SPEGNB: variants seen among roughly 807,000 people sequenced by gnomAD.
SPEGNB encodes the protein SPEG neighbor, also known as SPEG neighbor protein.
Under a neutral mutation model 18.3 loss-of-function variants are expected in SPEGNB, and 12 were observed. That is an observed-to-expected ratio of 0.65 (90% CI 0.42 to 1.06). The LOEUF is 1.06. Ranked by LOEUF, SPEGNB falls within the 50% of genes least tolerant of loss-of-function variation. The pLI is 0.00. For missense variants in SPEGNB, 273 were observed against 329.3 expected, an observed-to-expected ratio of 0.83 and a Z score of 1.32; for synonymous variants, 113 against 138.8, an observed-to-expected ratio of 0.81 and a Z score of 1.31.
intron 3 of SPEGNB, 92 bp downstream of exon 3, chr2:219,497,208 G>A: frequency 9.9e-7 from 1 of 1,007,412 alleles, no homozygotes; most frequent in Non-Finnish European, 1.2e-6. Context: ...TTTACCTCTG[G>A]GCCTAGCTAC....
rs747279748 is a variant in SPEGNB, at chr2:219,496,472, C to T, written c.118C>T (p.Arg40Trp). Residue 40 changes from arginine to tryptophan, a missense_variant, in exon 2 of 5, where the codon CGG (arginine) becomes TGG (tryptophan). By Grantham distance (101) the Arg-to-Trp change is moderately radical. Coordinates refer to ENST00000651166, the MANE Select transcript of SPEGNB (RefSeq NM_001286811.2). The stretch of plus-strand genomic sequence containing the variant: ...GGCCATTCGTATCCAGGCCTCTTAC[C>T]GGGGCCACAGGTGAGAGGGAACCCC... ...SAAIRIQASY[R>W]GHRSRKELRE... The T allele has an allele frequency of 5.5e-6, 7 of 1,263,302 alleles. No individual in the cohort carries two copies. Among genetic ancestry groups the T allele is most frequent in the East Asian group, 5.8e-5 (1 of 17,202 alleles). 78.3% of individuals were successfully genotyped at this position (1,263,302 alleles called of 1,614,324 possible). A position where few individuals can be genotyped will look rare whatever the true frequency, so the allele number is the denominator to read the frequency against.
Position 219,496,965 on chromosome 2 carries a change from T to G in SPEGNB, c.285T>G (p.Arg95=), listed in dbSNP as rs1252524957. The stretch of plus-strand genomic sequence containing the variant: ...GGAGTAAGGACGGCAAGGAGCTACG[T>G]GACGGTCCCAAGTACCGCTACGTCT... The part of the protein sequence containing the change: ...IRWSKDGKEL[R]DGPKYRYVFE... The change falls in exon 3 of 5, where the codon CGT becomes CGG. Residue 95 remains arginine (R), a synonymous_variant. Coordinates refer to ENST00000651166, the MANE Select transcript of SPEGNB (RefSeq NM_001286811.2). The G allele has an allele frequency of 7.7e-7, 1 of 1,303,836 alleles. No individual in the cohort carries two copies. The highest frequency in any genetic ancestry group is 2.3e-5 in the Admixed American group (1 of 43,526). 80.8% of individuals were successfully genotyped at this position (1,303,836 alleles called of 1,614,324 possible). A position where few individuals can be genotyped will look rare whatever the true frequency, so the allele number is the denominator to read the frequency against.
intron 3 of SPEGNB, 150 bp downstream of exon 3, chr2:219,497,266 G>A: frequency 1.9e-6 from 1 of 532,008 alleles, no homozygotes; most frequent in Non-Finnish European, 2.6e-6. Context: ...GCGCATCGCC[G>A]CGCCAGCCAA....
chr2:219,496,611 C>T (rs1186243354), intron 2 of SPEGNB, 129 bp downstream of exon 2: 2 of 1,054,072 alleles, frequency 1.9e-6, no homozygotes, highest in East Asian at 6.3e-5. Flanking sequence ...AGGGTCGTTA[C>T]TGAGGTATGG....
rs1435863286 is a variant in SPEGNB at position 219,498,228 on chromosome 2, G to A, written c.*39G>A. ...ACCTTCCGCCCTGGCGCCGAGCCCGGGGGTGGTGGGACCCACAGCCCTCCA... is the reference window on the plus strand; with the variant it reads ...ACCTTCCGCCCTGGCGCCGAGCCCGAGGGTGGTGGGACCCACAGCCCTCCA... On this transcript the variant is annotated 3_prime_UTR_variant, in exon 5 of 5. Coordinates refer to ENST00000651166, the MANE Select transcript of SPEGNB (RefSeq NM_001286811.2). The A allele has an allele frequency of 7.8e-7, 1 of 1,289,030 alleles. No homozygotes were observed. Among genetic ancestry groups the A allele is most frequent in the South Asian group, 1.3e-5 (1 of 78,714 alleles). 79.8% of individuals were successfully genotyped at this position (1,289,030 alleles called of 1,614,324 possible).
In SPEGNB at chr2:219,498,231, G is replaced by A; in HGVS notation, c.*42G>A. The stretch of plus-strand genomic sequence containing the variant: ...TTCCGCCCTGGCGCCGAGCCCGGGG[G>A]TGGTGGGACCCACAGCCCTCCACCA... On this transcript the variant is annotated 3_prime_UTR_variant, in exon 5 of 5. Coordinates refer to ENST00000651166, the MANE Select transcript of SPEGNB (RefSeq NM_001286811.2). 3.1e-6 allele frequency: 4 copies of A among 1,288,032 alleles called. No homozygotes were observed. The highest frequency in any genetic ancestry group is 4.1e-6 in the Non-Finnish European group (4 of 980,712). The allele number at this position is 1,288,032 out of a possible 1,614,324, so 79.8% of individuals were successfully genotyped here.
Position 219,498,244 on chromosome 2 carries a change from C to G in SPEGNB, c.*55C>G. The G allele has an allele frequency of 1.6e-6, 2 of 1,273,872 alleles. No individual in the cohort carries two copies. The highest frequency in any genetic ancestry group is 2.1e-6 in the Non-Finnish European group (2 of 973,750). 78.9% of individuals were successfully genotyped at this position (1,273,872 alleles called of 1,614,324 possible). ...CCGAGCCCGGGGGTGGTGGGACCCA[C>G]AGCCCTCCACCAGCTTGCTTAATAA... On this transcript the variant is annotated 3_prime_UTR_variant, in exon 5 of 5. Coordinates refer to ENST00000651166, the MANE Select transcript of SPEGNB (RefSeq NM_001286811.2).
rs1273067240 is a variant in SPEGNB at position 219,498,053 on chromosome 2, T to A, written c.581T>A (p.Val194Glu). Residue 194 changes from valine to glutamate, a missense_variant and splice_region_variant, in exon 5 of 5, where the codon GTG becomes GAG. Physicochemically the swap from Val to Glu is moderately radical, Grantham distance 121 (BLOSUM62 -2). Coordinates refer to ENST00000651166, the MANE Select transcript of SPEGNB (RefSeq NM_001286811.2). ...DGEDIEEDDRVFFEIGSTTTT... is the reference protein window; with the variant it reads ...DGEDIEEDDREFFEIGSTTTT... ...TCCTCCCCGCCGCCCTTCCGCAGGG[T>A]GTTCTTCGAGATCGGCAGCACCACC... The A allele has an allele frequency of 7.7e-7, 1 of 1,301,234 alleles. No homozygotes were observed. Among genetic ancestry groups the A allele is most frequent in the Admixed American group, 2.3e-5 (1 of 43,292 alleles). 80.6% of individuals were successfully genotyped at this position (1,301,234 alleles called of 1,614,324 possible).
In SPEGNB at chr2:219,498,080, C is replaced by G; in HGVS notation, c.608C>G (p.Thr203Arg). Reference sequence around the variant, plus strand: ...TTCTTCGAGATCGGCAGCACCACCACGACGCTGACCATTCGCCGGGCCACG... The same window carrying G: ...TTCTTCGAGATCGGCAGCACCACCAGGACGCTGACCATTCGCCGGGCCACG... ...RVFFEIGSTT[T>R]TLTIRRATPQ... The change falls in exon 5 of 5, where the codon ACG becomes AGG. Residue 203 changes from threonine to arginine, a missense_variant. Coordinates refer to ENST00000651166, the MANE Select transcript of SPEGNB (RefSeq NM_001286811.2). The G allele has an allele frequency of 7.7e-7, 1 of 1,303,680 alleles. No individual in the cohort carries two copies. The highest frequency in any genetic ancestry group is 1.2e-5 in the South Asian group (1 of 80,966). 80.8% of individuals were successfully genotyped at this position (1,303,680 alleles called of 1,614,324 possible).
chr2:219,498,018 G>C, intron 4 of SPEGNB, 33 bp from the exon 5 acceptor site: 1 of 1,291,482 alleles, frequency 7.7e-7, no homozygotes, highest in Non-Finnish European at 1.0e-6. Flanking sequence ...TACTGACCAC[G>C]GCTCCGCCCT....
chr2:219,496,698 G>T, intron 2 of SPEGNB, 111 bp from the exon 3 acceptor site: 1 of 1,062,854 alleles, frequency 9.4e-7, no homozygotes. Flanking sequence ...CAAGCCACAC[G>T]TTTAGGGGTC....
chr2:219,496,690 A>G, intron 2 of SPEGNB, 119 bp from the exon 3 acceptor site: 1 of 1,032,034 alleles, frequency 9.7e-7, no homozygotes, highest in Non-Finnish European at 1.2e-6. Flanking sequence ...TTCCCTACCA[A>G]GCCACACGTT....
rs1206503591 is a variant in SPEGNB, at chr2:219,498,118, G to C, written c.646G>C (p.Gly216Arg). ...TCGCCGGGCCACGCCTCAGGACAGCGGCAAGTACGAGGTGTACGTGGAGAA... is the reference window on the plus strand; with the variant it reads ...TCGCCGGGCCACGCCTCAGGACAGCCGCAAGTACGAGGTGTACGTGGAGAA... ...TIRRATPQDS[G>R]KYEVYVENSL... Residue 216 changes from glycine (G) to arginine (R), a missense_variant, in exon 5 of 5, where the codon GGC becomes CGC. By Grantham distance (125) the Gly-to-Arg change is moderately radical. Transcript: ENST00000651166. 1 of 1,304,322 alleles carries C rather than the reference G, an allele frequency of 7.7e-7. No individual in the cohort carries two copies. Among genetic ancestry groups the C allele is most frequent in the Non-Finnish European group, 1.0e-6 (1 of 988,960 alleles). The allele number at this position is 1,304,322 out of a possible 1,614,324, so 80.8% of individuals were successfully genotyped here. A position where few individuals can be genotyped will look rare whatever the true frequency, so the allele number is the denominator to read the frequency against.
Position 219,497,087 on chromosome 2 carries a change from G to GCTCC in SPEGNB, c.408_411dup (p.Asp138LeufsTer22). On this transcript the variant is annotated frameshift_variant, in exon 3 of 5. Transcript: ENST00000651166. LOFTEE classifies it high-confidence loss of function. ...AACGTCACCAACCCCTTCGGCCAGTGCTCCGACTCGGCGCGCATCCTCGTG... is the reference window on the plus strand; with the variant it reads ...AACGTCACCAACCCCTTCGGCCAGTGCTCCCTCCGACTCGGCGCGCATCCTCGTG... 1 of 1,221,224 alleles carries GCTCC rather than the reference G, an allele frequency of 8.2e-7. No individual in the cohort carries two copies. Among genetic ancestry groups the GCTCC allele is most frequent in the Non-Finnish European group, 1.1e-6 (1 of 941,800 alleles). The allele number at this position is 1,221,224 out of a possible 1,614,324, so 75.6% of individuals were successfully genotyped here. A position where few individuals can be genotyped will look rare whatever the true frequency, so the allele number is the denominator to read the frequency against.
Position 219,497,031 on chromosome 2 carries a change from C to A in SPEGNB, c.351C>A (p.Gly117=). ...TGGTGGCACTGGTGGTGCGCGACGG[C>A]GAGCTGGCAGACCTGGGCCAGTACA... The part of the protein sequence containing the change: ...PDVVALVVRD[G]ELADLGQYSI... Residue 117 remains glycine, a synonymous_variant, in exon 3 of 5, where the codon GGC becomes GGA. Coordinates refer to ENST00000651166, the MANE Select transcript of SPEGNB (RefSeq NM_001286811.2). 2.3e-6 allele frequency: 3 copies of A among 1,297,988 alleles called. No homozygotes were observed. Among genetic ancestry groups the A allele is most frequent in the Non-Finnish European group, 3.0e-6 (3 of 984,582 alleles). 80.4% of individuals were successfully genotyped at this position (1,297,988 alleles called of 1,614,324 possible).
Position 219,496,227 on chromosome 2 carries a change from A to G in SPEGNB, c.-1+10A>G. 1.1e-6 allele frequency: 1 copy of G among 893,292 alleles called. No homozygotes were observed. The highest frequency in any genetic ancestry group is 1.5e-6 in the Non-Finnish European group (1 of 685,986). 55.3% of individuals were successfully genotyped at this position (893,292 alleles called of 1,614,324 possible). On this transcript the variant is annotated intron_variant, in intron 1 of 4. Transcript: ENST00000651166. ...GGTCAACCCCTCCACGGTGAGTCTG[A>G]TCCTCAGAGAAGCCGCAGACACCCC...
In SPEGNB at chr2:219,496,821, G is replaced by T; in HGVS notation, c.141G>T (p.Glu47Asp). Reference protein sequence around the residue: ...ASYRGHRSRKELREKGPPRVL... With the variant: ...ASYRGHRSRKDLREKGPPRVL... ...GGCCCGCGGGTAGGTCCCGGAAGGAGCTGCGCGAGAAGGGGCCGCCGCGGG... is the reference window on the plus strand; with the variant it reads ...GGCCCGCGGGTAGGTCCCGGAAGGATCTGCGCGAGAAGGGGCCGCCGCGGG... Residue 47 changes from glutamate to aspartate, a missense_variant, in exon 3 of 5, where the codon GAG becomes GAT. Physicochemically the swap from Glu to Asp is conservative, Grantham distance 45. Coordinates refer to ENST00000651166, the MANE Select transcript of SPEGNB (RefSeq NM_001286811.2). The T allele has an allele frequency of 8.0e-7, 1 of 1,246,784 alleles. No individual in the cohort carries two copies. Among genetic ancestry groups the T allele is most frequent in the Non-Finnish European group, 1.0e-6 (1 of 953,848 alleles). 77.2% of individuals were successfully genotyped at this position (1,246,784 alleles called of 1,614,324 possible).
chr2:219,498,023 C>T, intron 4 of SPEGNB, 28 bp from the exon 5 acceptor site: 1 of 1,293,266 alleles, frequency 7.7e-7, no homozygotes, highest in South Asian at 1.3e-5. Context: ...ACCACGGCTC[C>T]GCCCTCCTCC....
rs1435738406 is a variant in SPEGNB, at chr2:219,498,278, T to C, written c.*89T>C. Reference sequence around the variant, plus strand: ...ACCAGCTTGCTTAATAAAGCTGCTCTCTGACCCTCCGCGTCTGTCCTGCTC... The same window carrying C: ...ACCAGCTTGCTTAATAAAGCTGCTCCCTGACCCTCCGCGTCTGTCCTGCTC... On this transcript the variant is annotated 3_prime_UTR_variant, in exon 5 of 5. Coordinates refer to ENST00000651166, the MANE Select transcript of SPEGNB (RefSeq NM_001286811.2). 8.4e-7 allele frequency: 1 copy of C among 1,183,542 alleles called. No homozygotes were observed. Among genetic ancestry groups the C allele is most frequent in the Non-Finnish European group, 1.1e-6 (1 of 911,660 alleles). 73.3% of individuals were successfully genotyped at this position (1,183,542 alleles called of 1,614,324 possible).
Sources: allele counts gnomAD v4.1 joint callset, GRCh38; gene constraint gnomAD v4.1.1; transcripts MANE v1.5; gene names NCBI Gene and HGNC (gene_info 2026-07-23, HGNC 2026-07-21).